The following CDH13 variants were observed in gnomAD, a reference collection of about 807,000 sequenced individuals.
CDH13 encodes cadherin 13.
Under a neutral mutation model 63.8 loss-of-function variants are expected in CDH13, and 24 were observed. That is an observed-to-expected ratio of 0.38 (90% CI 0.27 to 0.53). The LOEUF (loss-of-function observed/expected upper bound fraction) is 0.53. CDH13 is among the 20% of genes least tolerant of loss of function. CDH13 has a pLI of 0.85. For missense variants in CDH13, 1,049 were observed against 903.1 expected (o/e 1.16, Z -2.07); for synonymous variants, 503 against 355.3 (o/e 1.42, Z -4.67).
intron 2 of CDH13, among the ~76,000 whole-genome samples, chr16:82,982,914 G>C (rs1680246601): frequency 6.6e-6 from 1 of 152,148 alleles, no homozygotes; most frequent in African/African-American, 2.4e-5. Flanking sequence ...ATGAACCGGA[G>C]TGAAAGGGAT....
intron 6 of CDH13, among the ~76,000 whole-genome samples, chr16:83,479,728 C>A (rs1302642312): frequency 6.6e-6 from 1 of 152,060 alleles, no homozygotes; most frequent in Non-Finnish European, 1.5e-5. Context: ...TTAATTTGTG[C>A]ATTCTCAAAG....
At chr16:83,765,925 A>G (rs932977330) in intron 11 of CDH13, among the ~76,000 whole-genome samples, 12 of 152,156 alleles carry the variant, frequency 7.9e-5, no homozygotes, top group Non-Finnish European at 1.8e-4. Context: ...ATTTGCTCAC[A>G]GCTGCTTATT....
chr16:83,646,528 C>T (rs1355522743), intron 8 of CDH13, among the ~76,000 whole-genome samples: 1 of 151,824 alleles, frequency 6.6e-6, no homozygotes, highest in East Asian at 1.9e-4. Context: ...TGGTGAAACC[C>T]CATCTTTACT....
chr16:83,379,936 T>TAGAGAGAGAGAGAG (rs71272415), intron 6 of CDH13, among the ~76,000 whole-genome samples: 7 of 91,812 alleles, frequency 7.6e-5, no homozygotes, highest in Middle Eastern at 5.7e-3. Context: ...TATATATATA[T>TAGAGAGAGAGAGAG]ATAGAGAGAG....
chr16:83,131,014 A>C (rs1011093091), intron 4 of CDH13, among the ~76,000 whole-genome samples: 1 of 152,204 alleles, frequency 6.6e-6, no homozygotes. Context: ...GTCTTGACTG[A>C]TACATAATTT....
intron 2 of CDH13, among the ~76,000 whole-genome samples, chr16:83,016,764 T>G (rs956711918): frequency 2.0e-5 from 3 of 152,130 alleles, no homozygotes; most frequent in Admixed American, 1.3e-4. Context: ...CTTAGAAGCA[T>G]TCTAGATATC....
chr16:82,731,637 T>C lies in CDH13; in HGVS notation c.45+104500T>C, dbSNP rs79110953. On this transcript the variant is annotated intron_variant, in intron 1 of 13. Coordinates refer to ENST00000567109, the MANE Select transcript of CDH13 (RefSeq NM_001257.5). The stretch of plus-strand genomic sequence containing the variant: ...ATGGAAATGGCAATCAACATTGATA[T>C]GGGAACCACACTTGCTCATCAGTTC... Among the ~76,000 whole-genome samples the C allele has an allele frequency of 2.0e-5, 3 of 152,324 alleles. No individual in the cohort carries two copies. The East Asian group carries it at 5.8e-4, about 29-fold the overall frequency.
intron 5 of CDH13, among the ~76,000 whole-genome samples, chr16:83,311,484 G>A (rs893034001): frequency 1.3e-5 from 2 of 152,056 alleles, no homozygotes; most frequent in Admixed American, 6.5e-5. Flanking sequence ...ATTCCCAAAG[G>A]CATATGTACT....
At chr16:82,897,308 A>G (rs962549531) in intron 2 of CDH13, among the ~76,000 whole-genome samples, 4 of 152,200 alleles carry the variant, frequency 2.6e-5, no homozygotes, top group African/African-American at 7.2e-5. Flanking sequence ...ACTTCCTTCA[A>G]TGAGAGATCT....
chr16:83,071,695 T>C (rs1345565297), intron 3 of CDH13, among the ~76,000 whole-genome samples: 1 of 152,166 alleles, frequency 6.6e-6, no homozygotes, highest in Non-Finnish European at 1.5e-5. Context: ...GAAAAGTAAG[T>C]TGATAGGAGA....
At chr16:83,665,008 T>C (rs1012084909) in intron 8 of CDH13, among the ~76,000 whole-genome samples, 3 of 152,208 alleles carry the variant, frequency 2.0e-5, no homozygotes, top group Admixed American at 1.3e-4. Flanking sequence ...AATTGTTGTA[T>C]CTTTCCGCCA....
intron 2 of CDH13, among the ~76,000 whole-genome samples, chr16:82,999,963 A>G (rs150392168): frequency 5.3e-5 from 8 of 152,242 alleles, no homozygotes; most frequent in African/African-American, 1.9e-4. Context: ...TGCTGCTGGC[A>G]TCTTGTGGGT....
chr16:83,480,826 C>T (rs2073743009), intron 6 of CDH13, among the ~76,000 whole-genome samples: 1 of 152,104 alleles, frequency 6.6e-6, no homozygotes, highest in Non-Finnish European at 1.5e-5. Context: ...AGAATCGTTC[C>T]AACTAGATAT....
chr16:83,104,999 T>C (rs2034693938), intron 3 of CDH13, among the ~76,000 whole-genome samples: 2 of 152,210 alleles, frequency 1.3e-5, no homozygotes, highest in Admixed American at 6.5e-5. Context: ...TCTCTCTCTT[T>C]TGGCATTCCT....
rs149696366 is a variant in CDH13 at position 83,132,705 on chromosome 16, A to G, written c.483+7204A>G. The stretch of plus-strand genomic sequence containing the variant: ...GGCCTCCCAAAGGGTGGGGATTACA[A>G]GCATGAGCACCTGGCCTTAATTTCC... On this transcript the variant is annotated intron_variant, in intron 4 of 13. Coordinates refer to ENST00000567109, the MANE Select transcript of CDH13 (RefSeq NM_001257.5). Among the ~76,000 whole-genome samples the G allele has an allele frequency of 5.4e-4, 82 of 152,130 alleles. 1 individual carries two copies. In the East Asian group the frequency reaches 0.015, roughly 28 times the overall value.
intron 3 of CDH13, among the ~76,000 whole-genome samples, chr16:83,043,746 C>G (rs1053931820): frequency 1.3e-5 from 2 of 151,676 alleles, no homozygotes; most frequent in African/African-American, 4.9e-5. Context: ...GTAATCCCAG[C>G]TACTCAGGAG....
chr16:83,286,900 G>C (rs7199812), intron 5 of CDH13, among the ~76,000 whole-genome samples: 8,948 of 151,818 alleles, frequency 0.059, 701 homozygotes, highest in African/African-American at 0.18. Context: ...GGAAAGTGAA[G>C]CAAGGGCTGG....
chr16:83,557,052 A>C (rs531276928), intron 7 of CDH13, among the ~76,000 whole-genome samples: 1 of 152,312 alleles, frequency 6.6e-6, no homozygotes, highest in East Asian at 1.9e-4. Context: ...ATCTGTGTTT[A>C]CAGGCACTCC....
At chr16:83,235,223 A>G (rs2040109795) in intron 5 of CDH13, among the ~76,000 whole-genome samples, 2 of 152,130 alleles carry the variant, frequency 1.3e-5, no homozygotes, top group African/African-American at 4.8e-5. Context: ...ACATACACAC[A>G]TATATAAACA....
Sources: allele counts gnomAD v4.1 joint callset (sites outside exome capture counted in the v4.1 genomes callset), GRCh38; gene constraint gnomAD v4.1.1; transcripts MANE v1.5; gene names NCBI Gene and HGNC (gene_info 2026-07-23, HGNC 2026-07-21).